HCFC2: variants seen among roughly 807,000 people sequenced by gnomAD.
HCFC2 encodes the protein host cell factor 2.
A neutral mutation model predicts 89.2 loss-of-function variants in HCFC2; 18 were observed. That is an observed-to-expected ratio of 0.20 (90% CI 0.14 to 0.30). The LOEUF (loss-of-function observed/expected upper bound fraction) is 0.30, where lower values mean the gene tolerates loss of function less well. HCFC2 is among the 10% of genes least tolerant of loss of function. The pLI is 1.00. For synonymous variants in HCFC2, 308 were observed against 335.7 expected, an observed-to-expected ratio of 0.92 and a Z score of 0.90; for missense variants, 578 against 956.1, an observed-to-expected ratio of 0.60 and a Z score of 5.21.
chr12:104,066,709 G>T (rs1339055239), intron 2 of HCFC2, among the ~76,000 whole-genome samples: 2 of 152,216 alleles, frequency 1.3e-5, no homozygotes, highest in African/African-American at 2.4e-5. Flanking sequence ...ACAGATTGCT[G>T]GGTCCTACCC....
Position 104,093,393 on chromosome 12 carries a change from A to G in HCFC2, c.1292A>G (p.Asp431Gly). The G allele has an allele frequency of 3.1e-6, 5 of 1,608,376 alleles. No individual in the cohort carries two copies. The highest frequency in any genetic ancestry group is 1.1e-5 in the South Asian group (1 of 90,496). The change falls in exon 10 of 15, where the codon GAT becomes GGT. Residue 431 changes from aspartate to glycine, a missense_variant. Coordinates refer to ENST00000229330, the MANE Select transcript of HCFC2 (RefSeq NM_013320.3). ...CTGTTATATTTCTTGTAGATCAATG[A>G]TACAATAAACAGCACAAAAACTGAA... The part of the protein sequence containing the change: ...SNNIVPNSIN[D>G]TINSTKTEQP...
intron 11 of HCFC2, among the ~76,000 whole-genome samples, 164 bp from the exon 12 acceptor site, chr12:104,096,196 C>T (rs929541563): frequency 6.6e-6 from 1 of 152,040 alleles, no homozygotes; most frequent in Non-Finnish European, 1.5e-5. Context: ...GTACAATACC[C>T]TCTGGCTGTT....
At chr12:104,102,495 A>AGCCC (rs2029979978) in intron 14 of HCFC2, among the ~76,000 whole-genome samples, 1 of 152,056 alleles carries the variant, frequency 6.6e-6, no homozygotes, top group African/African-American at 2.4e-5. Context: ...GATAGGCCCC[A>AGCCC]ATGTGTGTTG....
rs1884238005 is a variant in HCFC2 at position 104,098,351 on chromosome 12, T to A, written c.1749T>A (p.Thr583=). ...TTTTTCTCTGAAATTAGAAAGAGAC[T>A]CCTTCAAATCCAGTGGCCACAGTGA... ...HATATPFSKE[T]PSNPVATVKA... is the part of the protein sequence containing the mutation. The change falls in exon 13 of 15, where the codon ACT becomes ACA. Residue 583 remains threonine (T), a synonymous_variant. Coordinates refer to ENST00000229330, the MANE Select transcript of HCFC2 (RefSeq NM_013320.3). The A allele has an allele frequency of 2.5e-6, 4 of 1,584,776 alleles. No homozygotes were observed. In the East Asian group the frequency reaches 8.9e-5, roughly 35 times the overall value.
chr12:104,099,839 T>C (rs2029882280), intron 13 of HCFC2, among the ~76,000 whole-genome samples: 1 of 152,084 alleles, frequency 6.6e-6, no homozygotes, highest in South Asian at 2.1e-4. Flanking sequence ...CTAATTTTTG[T>C]AGAGACTGGG....
chr12:104,093,336 G>A (rs1884079325), intron 9 of HCFC2, 50 bp from the exon 10 acceptor site: 2 of 1,286,906 alleles, frequency 1.6e-6, no homozygotes, highest in Non-Finnish European at 2.1e-6. Context: ...ACATGTATTT[G>A]TATTTCATTG....
chr12:104,066,208 C>G lies in HCFC2; in HGVS notation c.205C>G (p.Pro69Ala), dbSNP rs1355746312. The change falls in exon 2 of 15, where the codon CCT becomes GCT. Residue 69 changes from proline (P) to alanine (A), a missense_variant. Transcript: ENST00000229330. ...WFLPAVRGDI[P>A]PGCAAHGFVC... ...TCTGCCAGCTGTTAGAGGAGATATC[C>G]CTCCAGGCTGTGCTGCCCATGGATT... 1 of 1,613,052 alleles carries G rather than the reference C, an allele frequency of 6.2e-7. No individual in the cohort carries two copies. Among genetic ancestry groups the G allele is most frequent in the Non-Finnish European group, 8.5e-7 (1 of 1,179,678 alleles).
chr12:104,067,565 C>T (rs1883187486), intron 2 of HCFC2, among the ~76,000 whole-genome samples: 1 of 152,122 alleles, frequency 6.6e-6, no homozygotes, highest in African/African-American at 2.4e-5. Flanking sequence ...TTATGTTTAC[C>T]TTTAAAAGGT....
rs1593615555 is a variant in HCFC2, at chr12:104,103,652, A to G, written c.*379A>G. 5.8e-6 allele frequency: 1 copy of G among 171,362 alleles called. No homozygotes were observed. The highest frequency in any genetic ancestry group is 2.4e-5 in the African/African-American group (1 of 41,760). 10.6% of individuals were successfully genotyped at this position (171,362 alleles called of 1,614,324 possible). On this transcript the variant is annotated 3_prime_UTR_variant, in exon 15 of 15. Transcript: ENST00000229330. ...GTATACTATGCTGTCTTATATAGTAAATGTTCTCTACATTGTAAATGTCCT... is the reference window on the plus strand; with the variant it reads ...GTATACTATGCTGTCTTATATAGTAGATGTTCTCTACATTGTAAATGTCCT...
At chr12:104,077,310 T>A (rs769753075) in intron 3 of HCFC2, among the ~76,000 whole-genome samples, 4 of 151,976 alleles carry the variant, frequency 2.6e-5, no homozygotes, top group Non-Finnish European at 4.4e-5. Flanking sequence ...CCATGCGATC[T>A]CGGCTCACCG....
chr12:104,101,087 T>C (rs142184297), intron 13 of HCFC2, among the ~76,000 whole-genome samples: 11 of 152,310 alleles, frequency 7.2e-5, no homozygotes, highest in Middle Eastern at 3.4e-3. Context: ...AGGGAGAATA[T>C]GTAAAAATTG....
intron 3 of HCFC2, among the ~76,000 whole-genome samples, chr12:104,078,858 C>A (rs529634133): frequency 1.1e-4 from 17 of 152,288 alleles, no homozygotes; most frequent in African/African-American, 4.1e-4. Context: ...GATGCCTCAA[C>A]TGCAACGCTG....
chr12:104,086,394 T>C (rs1045129927), intron 7 of HCFC2, among the ~76,000 whole-genome samples: 6 of 152,104 alleles, frequency 3.9e-5, no homozygotes, highest in Non-Finnish European at 5.9e-5. Flanking sequence ...GAAAATTGGC[T>C]CATAAAATTA....
At chr12:104,085,402 A>G (rs573238419) in intron 7 of HCFC2, among the ~76,000 whole-genome samples, 49 of 152,326 alleles carry the variant, frequency 3.2e-4, no homozygotes, top group Non-Finnish European at 6.3e-4. Flanking sequence ...ATTATTAACT[A>G]AAGTCTAAGG....
chr12:104,067,964 G>GA lies in HCFC2; in HGVS notation c.336dup (p.Val113SerfsTer19). The GA allele has an allele frequency of 6.3e-7, 1 of 1,586,246 alleles. No homozygotes were observed. The highest frequency in any genetic ancestry group is 1.2e-5 in the South Asian group (1 of 85,220). ...TTTTTTAGGCAAGTCGTTGGTTATG[G>GA]AAAAAAGTGAAACCCCATCCCCCTC... On this transcript the variant is annotated frameshift_variant, in exon 3 of 15. Coordinates refer to ENST00000229330, the MANE Select transcript of HCFC2 (RefSeq NM_013320.3). LOFTEE classifies it high-confidence loss of function.
At chr12:104,076,620 C>G (rs1461182304) in intron 3 of HCFC2, among the ~76,000 whole-genome samples, 2 of 152,100 alleles carry the variant, frequency 1.3e-5, no homozygotes, top group Non-Finnish European at 2.9e-5. Flanking sequence ...CTGCCCCCAC[C>G]ACCAACCCTG....
rs530916213 is a variant in HCFC2 at position 104,067,821 on chromosome 12, A to C, written c.313-126A>C. On this transcript the variant is annotated intron_variant, in intron 2 of 14. Transcript: ENST00000229330. ...CTGGTTATTTGTCATTTGTCCCAAAAGTAGTTTTTTAGTGCCTTCTGATGG... is the reference window on the plus strand; with the variant it reads ...CTGGTTATTTGTCATTTGTCCCAAACGTAGTTTTTTAGTGCCTTCTGATGG... 15 of 744,984 alleles carry C rather than the reference A, an allele frequency of 2.0e-5. No individual in the cohort carries two copies. In the South Asian group the frequency reaches 4.1e-4, roughly 20 times the overall value. The allele number at this position is 744,984 out of a possible 1,614,324, so 46.1% of individuals were successfully genotyped here. A position where few individuals can be genotyped will look rare whatever the true frequency, so the allele number is the denominator to read the frequency against.
At chr12:104,101,317 C>G (rs961614924) in intron 13 of HCFC2, among the ~76,000 whole-genome samples, 1 of 152,086 alleles carries the variant, frequency 6.6e-6, no homozygotes, top group Non-Finnish European at 1.5e-5. Context: ...AACCCCGTCT[C>G]TACTGAAAAA....
At chr12:104,086,626 A>ATAAATAAATAAG (rs1481666685) in intron 7 of HCFC2, among the ~76,000 whole-genome samples, 2 of 135,012 alleles carry the variant, frequency 1.5e-5, no homozygotes, top group East Asian at 4.5e-4. Flanking sequence ...AAGAAAATAA[A>ATAAATAAATAAG]TAAATAAATA....
Sources: allele counts gnomAD v4.1 joint callset (sites outside exome capture counted in the v4.1 genomes callset), GRCh38; gene constraint gnomAD v4.1.1; transcripts MANE v1.5; gene names NCBI Gene and HGNC (gene_info 2026-07-23, HGNC 2026-07-21).